The following MRPL40 variants were observed in gnomAD, a reference collection of about 807,000 sequenced individuals.
MRPL40 encodes the protein large ribosomal subunit protein mL40.
MRPL40 carries 18 observed loss-of-function variants against 24.5 expected under a neutral mutation model. That is an observed-to-expected ratio of 0.73 (90% CI 0.51 to 1.09). MRPL40 has a LOEUF of 1.09. MRPL40 is among the 50% of genes least tolerant of loss of function. MRPL40 has a pLI of 0.00. For missense variants in MRPL40, 256 were observed against 243.8 expected, an observed-to-expected ratio of 1.05 and a Z score of -0.33; for synonymous variants, 108 against 94.6, an observed-to-expected ratio of 1.14 and a Z score of -0.82.
At chr22:19,434,285 C>T (rs984652894) in intron 2 of MRPL40, among the ~76,000 whole-genome samples, 8 of 141,186 alleles carry the variant, frequency 5.7e-5, no homozygotes, top group Admixed American at 4.5e-4. Context: ...TGCAGTGGCG[C>T]GATCTTGTCC....
At chr22:19,432,654 G>T in intron 1 of MRPL40, 47 bp downstream of exon 1, 1 of 1,521,032 alleles carries the variant, frequency 6.6e-7, no homozygotes, top group African/African-American at 1.4e-5. Context: ...GGGCGCGTGC[G>T]GGGTCTTCGC....
At chr22:19,433,209 G>A (rs764230201) in intron 1 of MRPL40, 56 bp from the exon 2 acceptor site, 2 of 1,276,790 alleles carry the variant, frequency 1.6e-6, no homozygotes, top group South Asian at 1.2e-5. Flanking sequence ...ACAGACGTGA[G>A]CAACCGCGCC....
chr22:19,433,480 G>A (rs995993931), intron 2 of MRPL40, 132 bp downstream of exon 2: 28 of 572,848 alleles, frequency 4.9e-5, no homozygotes, highest in African/African-American at 4.2e-4. Context: ...AATTTAGGCC[G>A]ATGCTTTTCT....
At chr22:19,432,700 G>T (rs556252595) in intron 1 of MRPL40, 93 bp downstream of exon 1, 3 of 1,453,402 alleles carry the variant, frequency 2.1e-6, no homozygotes, top group Non-Finnish European at 2.7e-6. Flanking sequence ...CTCCCTGCTC[G>T]CCTCCCAGTC....
In MRPL40 at chr22:19,435,991, G is replaced by T. The variant is rs1290361419; in HGVS notation, c.*29G>T. The T allele has an allele frequency of 6.4e-7, 1 of 1,563,486 alleles. No homozygotes were observed. ...TGCAGGCTGCTATCCTTAACATGCT[G>T]CCCCTGAGAGTAGGAATGACCAGGG... On this transcript the variant is annotated 3_prime_UTR_variant, in exon 4 of 4. Coordinates refer to ENST00000333130, the MANE Select transcript of MRPL40 (RefSeq NM_003776.4).
chr22:19,434,704 G>A (rs2089575314), intron 2 of MRPL40, 32 bp from the exon 3 acceptor site: 3 of 1,553,164 alleles, frequency 1.9e-6, no homozygotes, highest in Admixed American at 2.1e-5. Context: ...AGACCAAAGA[G>A]GAAAATGTTT....
At chr22:19,433,546 G>A (rs1234270101) in intron 2 of MRPL40, among the ~76,000 whole-genome samples, 198 bp downstream of exon 2, 1 of 152,138 alleles carries the variant, frequency 6.6e-6, no homozygotes, top group Non-Finnish European at 1.5e-5. Flanking sequence ...TAAAATTTGA[G>A]CAGTTTCTCA....
intron 2 of MRPL40, among the ~76,000 whole-genome samples, chr22:19,434,217 T>G (rs2089571265): frequency 2.7e-5 from 1 of 36,928 alleles, no homozygotes; most frequent in East Asian, 1.2e-3. Flanking sequence ...GCTTTTGTAC[T>G]TTTTTTTTTT....
chr22:19,433,087 C>T (rs1235135837), intron 1 of MRPL40, 178 bp from the exon 2 acceptor site: 18 of 513,142 alleles, frequency 3.5e-5, no homozygotes, highest in Non-Finnish European at 5.5e-5. Flanking sequence ...ACACCACGCC[C>T]GGCTAATTTT....
At chr22:19,432,774 G>C in intron 1 of MRPL40, 167 bp downstream of exon 1, 1 of 1,389,504 alleles carries the variant, frequency 7.2e-7, no homozygotes, top group Non-Finnish European at 9.3e-7. Flanking sequence ...TGAGCACCCT[G>C]GCGAGCAGCG....
chr22:19,435,006 C>A, intron 3 of MRPL40, 112 bp downstream of exon 3: 4 of 959,320 alleles, frequency 4.2e-6, no homozygotes, highest in Non-Finnish European at 6.3e-6. Flanking sequence ...TAGGCTTGAG[C>A]TGACTTGGCC....
rs1321746111 is a variant in MRPL40 at position 19,432,563 on chromosome 22, CT to C, written c.10del (p.Ser4ProfsTer8). On this transcript the variant is annotated frameshift_variant, in exon 1 of 4. Transcript: ENST00000333130. LOFTEE classifies it high-confidence loss of function. The stretch of plus-strand genomic sequence containing the variant: ...AAGCGGCGAGGGTAGCCATGACGGC[CT>C]CCGTGCTGCGAAGTATCTCGCTAGC... The part of the protein sequence containing the change: MTA[S>X]VLRSISLALR... 1 of 1,550,720 alleles carries C rather than the reference CT, an allele frequency of 6.4e-7. No individual in the cohort carries two copies. The highest frequency in any genetic ancestry group is 8.7e-7 in the Non-Finnish European group (1 of 1,148,648).
intron 1 of MRPL40, 61 bp downstream of exon 1, chr22:19,432,668 T>C: frequency 6.7e-7 from 1 of 1,503,418 alleles, no homozygotes; most frequent in Non-Finnish European, 8.9e-7. Context: ...TCTTCGCGAC[T>C]GTCCGCCAGG....
Position 19,433,405 on chromosome 22 carries a change from A to G in MRPL40, c.137+57A>G. 3 of 1,077,060 alleles carry G rather than the reference A, an allele frequency of 2.8e-6. No individual in the cohort carries two copies. The South Asian group carries it at 3.8e-5, about 14-fold the overall frequency. 66.7% of individuals were successfully genotyped at this position (1,077,060 alleles called of 1,614,324 possible). A position where few individuals can be genotyped will look rare whatever the true frequency, so the allele number is the denominator to read the frequency against. ...GGTAAAGGTGTCAGTCTATGTGTAGAGAACAAAGCAAGAATGCTGGATGTG... is the reference window on the plus strand; with the variant it reads ...GGTAAAGGTGTCAGTCTATGTGTAGGGAACAAAGCAAGAATGCTGGATGTG... On this transcript the variant is annotated intron_variant, in intron 2 of 3. Coordinates refer to ENST00000333130, the MANE Select transcript of MRPL40 (RefSeq NM_003776.4).
In MRPL40 at chr22:19,435,939, A is replaced by G; in HGVS notation, c.598A>G (p.Thr200Ala). The G allele has an allele frequency of 6.2e-7, 1 of 1,613,968 alleles. No individual in the cohort carries two copies. Among genetic ancestry groups the G allele is most frequent in the Non-Finnish European group, 8.5e-7 (1 of 1,179,876 alleles). ...GRYNDITKVY[T>A]QVEFKR ...GTACAATGACATCACCAAGGTGTAC[A>G]CACAAGTGGAGTTTAAGAGATAGAC... The change falls in exon 4 of 4, where the codon ACA (threonine) becomes GCA (alanine). Residue 200 changes from threonine to alanine, a missense_variant. Thr to Ala is a moderately conservative substitution (Grantham distance 58, BLOSUM62 0). Transcript: ENST00000333130.
chr22:19,435,537 T>C, intron 3 of MRPL40, 101 bp from the exon 4 acceptor site: 1 of 1,113,562 alleles, frequency 9.0e-7, no homozygotes, highest in Non-Finnish European at 1.3e-6. Flanking sequence ...ACTTGTTTTA[T>C]CTCCTAAGTC....
In MRPL40 at chr22:19,434,800, T is replaced by C. The variant is rs1207921016; in HGVS notation, c.202T>C (p.Leu68=). 1 of 1,612,492 alleles carries C rather than the reference T, an allele frequency of 6.2e-7. No homozygotes were observed. Among genetic ancestry groups the C allele is most frequent in the Admixed American group, 1.7e-5 (1 of 59,534 alleles). ...AAAAGACCAAGAAGCAAAGGAGCGC[T>C]TGAAAAGGAAGATCCGAAAACTGGA... ...PKKDQEAKER[L]KRKIRKLEKA... The change falls in exon 3 of 4, where the codon TTG becomes CTG. Residue 68 remains leucine (L), a synonymous_variant. Transcript: ENST00000333130.
Position 19,434,739 on chromosome 22 carries a change from A to G in MRPL40, c.141A>G (p.Ser47=). 1 of 1,587,364 alleles carries G rather than the reference A, an allele frequency of 6.3e-7. No individual in the cohort carries two copies. The change falls in exon 3 of 4, where the codon TCA becomes TCG. Residue 47 remains serine (S), a synonymous_variant. Coordinates refer to ENST00000333130, the MANE Select transcript of MRPL40 (RefSeq NM_003776.4). The stretch of plus-strand genomic sequence containing the variant: ...TAATATTTGCTTTATCTATTAGATC[A>G]GAACCTCTTCGAAAAAAGAAGAAGG... ...LSFWELIPMR[S]EPLRKKKKVD...
At chr22:19,434,582 G>A (rs2089574476) in intron 2 of MRPL40, among the ~76,000 whole-genome samples, 154 bp from the exon 3 acceptor site, 1 of 152,104 alleles carries the variant, frequency 6.6e-6, no homozygotes, top group African/African-American at 2.4e-5. Context: ...GTACTGTGGG[G>A]TGGAGTACCT....
Sources: gnomAD v4.1 joint callset for allele counts (sites outside exome capture counted in the v4.1 genomes callset) on GRCh38, gnomAD v4.1.1 for gene constraint, MANE v1.5 for transcripts, NCBI Gene and HGNC (gene_info 2026-07-23, HGNC 2026-07-21) for gene names.